SHB: variants seen among roughly 807,000 people sequenced by gnomAD.
The protein encoded by SHB is SH2 domain containing adaptor protein B.
In SHB, 20 loss-of-function variants were observed where a neutral mutation model predicts 52.3. That is an observed-to-expected ratio of 0.38 (90% CI 0.27 to 0.56). The LOEUF is 0.56. Among genes scored for constraint, SHB ranks in the 20% least tolerant of loss-of-function variants. SHB has a pLI of 0.71. For missense variants in SHB, 825 were observed against 723.3 expected (o/e 1.14, Z -1.61); for synonymous variants, 397 against 316.5 (o/e 1.25, Z -2.70).
chr9:37,965,271 A>G (rs952285341), intron 3 of SHB, among the ~76,000 whole-genome samples: 1 of 152,228 alleles, frequency 6.6e-6, no homozygotes, highest in East Asian at 1.9e-4. Flanking sequence ...CCTGCACCCA[A>G]CCAACACACC....
intron 1 of SHB, among the ~76,000 whole-genome samples, chr9:38,051,224 G>A (rs1314140464): frequency 6.6e-6 from 1 of 152,006 alleles, no homozygotes; most frequent in Non-Finnish European, 1.5e-5. Flanking sequence ...GGCAGATCAC[G>A]AGGTCAGGAG....
intron 3 of SHB, among the ~76,000 whole-genome samples, chr9:37,957,441 G>C (rs963450425): frequency 6.6e-6 from 1 of 152,110 alleles, no homozygotes; most frequent in African/African-American, 2.4e-5. Flanking sequence ...AGGGACTGTG[G>C]GGCATTTCTG....
intron 1 of SHB, among the ~76,000 whole-genome samples, chr9:38,061,342 C>T (rs1006280250): frequency 5.3e-5 from 8 of 150,402 alleles, no homozygotes; most frequent in African/African-American, 1.7e-4. Context: ...ATAGAAAATA[C>T]ATCACCCCTA....
chr9:38,061,919 C>A (rs1587270279), intron 1 of SHB, among the ~76,000 whole-genome samples: 8 of 152,188 alleles, frequency 5.3e-5, no homozygotes, highest in Admixed American at 3.9e-4. Context: ...TGTGCCAACT[C>A]TGTGCTCAGA....
In SHB at chr9:37,947,017, T is replaced by C. The variant is rs1832500006; in HGVS notation, c.1346+1618A>G. On this transcript the variant is annotated intron_variant, in intron 5 of 5. Transcript: ENST00000377707. Reference sequence around the variant, plus strand: ...ATGCCTGGTGGTGTGCACGCCCCCCTGCTGCTGTCCTCTCCTCAGTCCAAT... The same window carrying C: ...ATGCCTGGTGGTGTGCACGCCCCCCCGCTGCTGTCCTCTCCTCAGTCCAAT... Among the ~76,000 whole-genome samples the C allele has an allele frequency of 2.0e-5, 3 of 152,198 alleles. No individual in the cohort carries two copies. The South Asian group carries it at 6.2e-4, about 31-fold the overall frequency.
chr9:37,974,207 G>A (rs1283800162), intron 3 of SHB, among the ~76,000 whole-genome samples: 2 of 152,154 alleles, frequency 1.3e-5, no homozygotes, highest in African/African-American at 4.8e-5. Context: ...GGTGAGCCGA[G>A]ATCGCATCAC....
chr9:38,068,702 C>CG lies in SHB; in HGVS notation c.-58dup, dbSNP rs1300509702. 13 of 1,217,446 alleles carry CG rather than the reference C, an allele frequency of 1.1e-5. No individual in the cohort carries two copies. The highest frequency in any genetic ancestry group is 6.1e-5 in the South Asian group (2 of 33,036). 75.4% of individuals were successfully genotyped at this position (1,217,446 alleles called of 1,614,324 possible). A position where few individuals can be genotyped will look rare whatever the true frequency, so the allele number is the denominator to read the frequency against. On this transcript the variant is annotated 5_prime_UTR_variant, in exon 1 of 6. Transcript: ENST00000377707. ...AGCCCGGTCCGCCGCCGCGGCCATT[C>CG]GGGGGGCAGCGCTGCGGCGCAGGTC...
At chr9:38,004,785 G>A (rs1821059375) in intron 2 of SHB, among the ~76,000 whole-genome samples, 1 of 152,240 alleles carries the variant, frequency 6.6e-6, no homozygotes, top group Non-Finnish European at 1.5e-5. Context: ...AGGCTTAGCA[G>A]ATGGGAAGGA....
At chr9:38,031,941 C>G (rs1262401446) in intron 1 of SHB, among the ~76,000 whole-genome samples, 1 of 152,168 alleles carries the variant, frequency 6.6e-6, no homozygotes, top group Non-Finnish European at 1.5e-5. Context: ...TTGCTGATAA[C>G]TTGGCTATCA....
At chr9:37,941,136 C>A (rs1339331422) in intron 5 of SHB, among the ~76,000 whole-genome samples, 6 of 152,172 alleles carry the variant, frequency 3.9e-5, no homozygotes, top group African/African-American at 1.4e-4. Context: ...TAGAACCCAT[C>A]ATCGTAAAGG....
intron 2 of SHB, among the ~76,000 whole-genome samples, chr9:38,009,703 G>A (rs1244033915): frequency 6.6e-6 from 1 of 152,182 alleles, no homozygotes; most frequent in African/African-American, 2.4e-5. Flanking sequence ...ATCCCCTCTT[G>A]CCTTTAAAAT....
intron 2 of SHB, among the ~76,000 whole-genome samples, chr9:38,002,275 A>T (rs551504318): frequency 6.6e-6 from 1 of 152,364 alleles, no homozygotes; most frequent in South Asian, 2.1e-4. Context: ...GGAAGAAATT[A>T]GAGAAATGCC....
intron 1 of SHB, among the ~76,000 whole-genome samples, chr9:38,050,858 CA>C (rs147210260): frequency 2.7e-5 from 4 of 149,778 alleles, no homozygotes; most frequent in African/African-American, 4.9e-5. Flanking sequence ...CAGGCAGATA[CA>C]AAAAAAAAGA....
chr9:37,919,412 G>A lies in SHB; in HGVS notation c.*409C>T, dbSNP rs1832146869. ...TCCCAGCATCAGTAGGGGGGCTCCT[G>A]TGGGAAAACTTTGCCCTGTACAGAG... On this transcript the variant is annotated 3_prime_UTR_variant, in exon 6 of 6. Transcript: ENST00000377707. 6.1e-6 allele frequency: 1 copy of A among 162,742 alleles called. No homozygotes were observed. Among genetic ancestry groups the A allele is most frequent in the African/African-American group, 2.4e-5 (1 of 41,722 alleles). 10.1% of individuals were successfully genotyped at this position (162,742 alleles called of 1,614,324 possible).
intron 5 of SHB, among the ~76,000 whole-genome samples, chr9:37,946,330 A>T (rs983364324): frequency 3.3e-5 from 5 of 152,218 alleles, no homozygotes; most frequent in African/African-American, 1.2e-4. Context: ...AGGGGAAATG[A>T]CGCTTCTGGC....
At chr9:38,011,095 C>T (rs1196799642) in intron 2 of SHB, among the ~76,000 whole-genome samples, 2 of 152,210 alleles carry the variant, frequency 1.3e-5, no homozygotes, top group East Asian at 3.9e-4. Context: ...CCCAAGTCAG[C>T]CTGATCAGTG....
At chr9:37,999,054 G>A (rs1234044006) in intron 2 of SHB, among the ~76,000 whole-genome samples, 1 of 152,232 alleles carries the variant, frequency 6.6e-6, no homozygotes, top group East Asian at 1.9e-4. Flanking sequence ...CCTCAGTGAG[G>A]AGGACAGTGA....
chr9:37,999,371 C>T (rs1029368144), intron 2 of SHB, among the ~76,000 whole-genome samples: 23 of 152,286 alleles, frequency 1.5e-4, no homozygotes, highest in African/African-American at 4.3e-4. Context: ...GCTGCAGACT[C>T]GGGGTGACCA....
At chr9:37,970,715 G>A (rs570017386) in intron 3 of SHB, among the ~76,000 whole-genome samples, 1 of 152,058 alleles carries the variant, frequency 6.6e-6, no homozygotes, top group Non-Finnish European at 1.5e-5. Flanking sequence ...CCCTTTGTCA[G>A]AGCCCTGCCT....
Sources: allele counts gnomAD v4.1 joint callset (sites outside exome capture counted in the v4.1 genomes callset), GRCh38; gene constraint gnomAD v4.1.1; transcripts MANE v1.5; gene names NCBI Gene and HGNC (gene_info 2026-07-23, HGNC 2026-07-21).